Variants in STK32B observed in about 807,000 individuals in gnomAD.
STK32B encodes the protein serine/threonine-protein kinase 32B.
In STK32B, 43 loss-of-function variants were observed where a neutral mutation model predicts 52.6. That is an observed-to-expected ratio of 0.82 (90% CI 0.64 to 1.05). The LOEUF (loss-of-function observed/expected upper bound fraction) is 1.05. Among genes scored for constraint, STK32B ranks in the 50% least tolerant of loss-of-function variants. The pLI is 0.00. For missense variants in STK32B, 621 were observed against 534.6 expected, an observed-to-expected ratio of 1.16 and a Z score of -1.59; for synonymous variants, 238 against 204.3, an observed-to-expected ratio of 1.17 and a Z score of -1.41.
intron 6 of STK32B, among the ~76,000 whole-genome samples, chr4:5,419,927 G>C (rs1712481197): frequency 6.6e-6 from 1 of 152,062 alleles, no homozygotes; most frequent in Non-Finnish European, 1.5e-5. Context: ...TAAATAATAG[G>C]CAACTTGTTT....
chr4:5,182,821 G>T (rs2108754824), intron 3 of STK32B, among the ~76,000 whole-genome samples: 1 of 146,208 alleles, frequency 6.8e-6, no homozygotes, highest in African/African-American at 2.4e-5. Flanking sequence ...TCCATGGGCT[G>T]CAGGATAGAT....
intron 3 of STK32B, among the ~76,000 whole-genome samples, chr4:5,177,371 C>T (rs1467345006): frequency 6.6e-6 from 1 of 152,174 alleles, no homozygotes; most frequent in African/African-American, 2.4e-5. Context: ...AAACCACCCT[C>T]ATGATTTAAT....
At chr4:5,072,685 A>G (rs1577049718) in intron 1 of STK32B, among the ~76,000 whole-genome samples, 5 of 152,290 alleles carry the variant, frequency 3.3e-5, no homozygotes, top group Admixed American at 6.5e-5. Flanking sequence ...CATGCCATCT[A>G]CACTTGAAAG....
rs1448734601 is a variant in STK32B, at chr4:5,352,620, A to T, written c.434+21227A>T. Among the ~76,000 whole-genome samples the T allele has an allele frequency of 2.4e-3, 363 of 150,790 alleles. 1 individual carries two copies. The highest frequency in any genetic ancestry group is 7.6e-3 in the African/African-American group (313 of 41,302). Reference sequence around the variant, plus strand: ...GCAATCAGAAAAGAGAAAGAAATAAAAAAAAAAAAAACGTCCAAACTAAAA... The same window carrying T: ...GCAATCAGAAAAGAGAAAGAAATAATAAAAAAAAAAACGTCCAAACTAAAA... On this transcript the variant is annotated intron_variant, in intron 4 of 11. Transcript: ENST00000282908.
At chr4:5,291,538 GTTCTAATAGGT>G (rs1296167022) in intron 3 of STK32B, among the ~76,000 whole-genome samples, 1 of 152,034 alleles carries the variant, frequency 6.6e-6, no homozygotes, top group Non-Finnish European at 1.5e-5. Context: ...TCATGTATTA[GTTCTAATAGGT>G]TTCTTTGCAG....
Position 5,271,599 on chromosome 4 carries a change from T to C in STK32B, c.261-59621T>C, listed in dbSNP as rs1727436147. On this transcript the variant is annotated intron_variant, in intron 3 of 11. Coordinates refer to ENST00000282908, the MANE Select transcript of STK32B (RefSeq NM_018401.3). ...AATCTGTAAATTACCTTGGGCAGTA[T>C]GGCCATTTTCACGATATTGATTCTT... Among the ~76,000 whole-genome samples the C allele has an allele frequency of 8.8e-5, 13 of 148,174 alleles. 1 individual carries two copies. In the South Asian group the frequency reaches 2.8e-3, roughly 32 times the overall value.
Position 5,399,730 on chromosome 4 carries a change from C to T in STK32B, c.472+1486C>T, listed in dbSNP as rs1033759969. Among the ~76,000 whole-genome samples, 1 of 152,164 alleles carries T rather than the reference C, an allele frequency of 6.6e-6. No homozygotes were observed. The highest frequency in any genetic ancestry group is 2.4e-5 in the African/African-American group (1 of 41,446). ...TGTCTCAGCCTTCCCAGCAGCGATGCAGAAGTAATTGACCCACCTTGCAGG... is the reference window on the plus strand; with the variant it reads ...TGTCTCAGCCTTCCCAGCAGCGATGTAGAAGTAATTGACCCACCTTGCAGG... On this transcript the variant is annotated intron_variant, in intron 5 of 11. Transcript: ENST00000282908. This position sits in a 1 kb window ranked among gnomAD's most constrained non-coding sequence, Gnocchi z 5.4.
intron 2 of STK32B, among the ~76,000 whole-genome samples, chr4:5,159,723 ATATGAATATATATATGAATATATGAATG>A (rs1718266867): frequency 5.8e-5 from 7 of 121,470 alleles, no homozygotes; most frequent in East Asian, 2.0e-4. Context: ...ATATGAATGT[ATATGAATATATATATGAATATATGAATG>A]TATATGAATA....
rs569146441 is a variant in STK32B at position 5,452,282 on chromosome 4, G to T, written c.667-4525G>T. 1.1e-4 allele frequency among the ~76,000 whole-genome samples: 17 copies of T among 152,116 alleles called. No individual in the cohort carries two copies. In the East Asian group the frequency reaches 3.3e-3, roughly 30 times the overall value. On this transcript the variant is annotated intron_variant, in intron 7 of 11. Coordinates refer to ENST00000282908, the MANE Select transcript of STK32B (RefSeq NM_018401.3). The stretch of plus-strand genomic sequence containing the variant: ...GAGGGTACAGAGAGGCCAGCGAGTG[G>T]AGGGAGGTTGCCCAGAGCTCCGCCG...
intron 1 of STK32B, among the ~76,000 whole-genome samples, chr4:5,135,803 C>A (rs902362205): frequency 6.6e-6 from 1 of 152,148 alleles, no homozygotes; most frequent in African/African-American, 2.4e-5. Context: ...TCCTCACATA[C>A]ACAAAAAATG....
intron 3 of STK32B, among the ~76,000 whole-genome samples, chr4:5,330,251 A>G (rs532684545): frequency 1.3e-5 from 2 of 152,332 alleles, no homozygotes; most frequent in South Asian, 4.1e-4. Context: ...TGTGATTAAT[A>G]TTACATGATT....
chr4:5,457,309 G>A (rs1716634119), intron 8 of STK32B, among the ~76,000 whole-genome samples: 1 of 148,046 alleles, frequency 6.8e-6, no homozygotes, highest in African/African-American at 2.5e-5. Flanking sequence ...TCCGCCTCCC[G>A]GGTTCACGCC....
intron 2 of STK32B, among the ~76,000 whole-genome samples, chr4:5,150,032 T>C (rs1327439796): frequency 6.6e-6 from 1 of 152,046 alleles, no homozygotes; most frequent in East Asian, 1.9e-4. Flanking sequence ...TCCATTACTT[T>C]AAAGATTTTG....
rs571413975 is a variant in STK32B at position 5,322,279 on chromosome 4, C to T, written c.261-8941C>T. On this transcript the variant is annotated intron_variant, in intron 3 of 11. Coordinates refer to ENST00000282908, the MANE Select transcript of STK32B (RefSeq NM_018401.3). ...CGTACAATATGAGCTGTCAGAAGGCCGAGCGCTCCATTGTTGGATTTCTGT... is the reference window on the plus strand; with the variant it reads ...CGTACAATATGAGCTGTCAGAAGGCTGAGCGCTCCATTGTTGGATTTCTGT... Among the ~76,000 whole-genome samples, 11 of 152,224 alleles carry T rather than the reference C, an allele frequency of 7.2e-5. No homozygotes were observed. In the East Asian group the frequency reaches 9.6e-4, roughly 13 times the overall value.
At chr4:5,162,045 G>T (rs567334644) in intron 2 of STK32B, among the ~76,000 whole-genome samples, 1 of 152,226 alleles carries the variant, frequency 6.6e-6, no homozygotes, top group African/African-American at 2.4e-5. Flanking sequence ...AGTCAGACCC[G>T]CAGCTGCCCA....
intron 11 of STK32B, among the ~76,000 whole-genome samples, chr4:5,497,117 G>A (rs1262505236): frequency 6.6e-6 from 1 of 152,090 alleles, no homozygotes; most frequent in East Asian, 1.9e-4. Context: ...CGATTTTATA[G>A]TCATGGTATT....
At chr4:5,477,026 A>G (rs1255195427) in intron 11 of STK32B, among the ~76,000 whole-genome samples, 1 of 152,106 alleles carries the variant, frequency 6.6e-6, no homozygotes, top group Non-Finnish European at 1.5e-5. Context: ...TCTCTAGAAC[A>G]AAGCGAGACT....
At chr4:5,284,025 C>CT (rs1728384433) in intron 3 of STK32B, among the ~76,000 whole-genome samples, 2 of 152,064 alleles carry the variant, frequency 1.3e-5, no homozygotes, top group African/African-American at 4.8e-5. Context: ...CAACACAAGA[C>CT]TATTCAAAAA....
intron 11 of STK32B, among the ~76,000 whole-genome samples, chr4:5,493,138 A>G (rs1388855066): frequency 6.6e-6 from 1 of 151,828 alleles, no homozygotes; most frequent in East Asian, 1.9e-4. Context: ...TGATTGGAAT[A>G]GTTTCAGAAG....
Sources: allele counts gnomAD v4.1 joint callset (sites outside exome capture counted in the v4.1 genomes callset), GRCh38; gene constraint gnomAD v4.1.1; non-coding constraint Gnocchi (gnomAD v3.1); transcripts MANE v1.5; gene names NCBI Gene and HGNC (gene_info 2026-07-23, HGNC 2026-07-21).